The following DDAH1 variants were observed in gnomAD, a reference collection of about 807,000 sequenced individuals.
DDAH1 encodes the protein N(G),N(G)-dimethylarginine dimethylaminohydrolase 1.
A neutral mutation model predicts 28.8 loss-of-function variants in DDAH1; 19 were observed. That is an observed-to-expected ratio of 0.66 (90% CI 0.46 to 0.97). DDAH1 has a LOEUF of 0.97. Among genes scored for constraint, DDAH1 ranks in the 50% least tolerant of loss-of-function variants. The pLI is 0.00. For missense variants in DDAH1, 326 were observed against 375.9 expected, an observed-to-expected ratio of 0.87 and a Z score of 1.10; for synonymous variants, 153 against 154.4, an observed-to-expected ratio of 0.99 and a Z score of 0.07.
chr1:85,495,454 A>G (rs758366540), intron 2 of DDAH1: 1 of 152,190 alleles, frequency 6.6e-6, no homozygotes, highest in Non-Finnish European at 1.5e-5. Context: ...GGCAGATGTA[A>G]TTGTTGAAAA....
chr1:85,342,319 T>A (rs1170104174), intron 4 of DDAH1, among the ~76,000 whole-genome samples: 2 of 152,118 alleles, frequency 1.3e-5, no homozygotes, highest in Non-Finnish European at 2.9e-5. Flanking sequence ...GAAGTTTAAC[T>A]TTTTTCCCCC....
intron 1 of DDAH1, among the ~76,000 whole-genome samples, chr1:85,426,445 G>A (rs779311866): frequency 2.6e-5 from 4 of 152,130 alleles, no homozygotes; most frequent in Non-Finnish European, 5.9e-5. Context: ...TTCAATACAC[G>A]TTAATTGAAT....
At chr1:85,571,785 A>T (rs1295514054) in intron 1 of DDAH1, among the ~76,000 whole-genome samples, 1 of 135,344 alleles carries the variant, frequency 7.4e-6, no homozygotes, top group Non-Finnish European at 1.5e-5. Flanking sequence ...ACTGTTTATA[A>T]GCTTTTTTTT....
intron 1 of DDAH1, among the ~76,000 whole-genome samples, chr1:85,503,559 A>G (rs1311216840): frequency 6.6e-6 from 1 of 151,840 alleles, no homozygotes; most frequent in Non-Finnish European, 1.5e-5. Flanking sequence ...CTATCTATCT[A>G]TCTATCTATC....
intron 1 of DDAH1, among the ~76,000 whole-genome samples, chr1:85,577,588 G>GT (rs1331238909): frequency 1.3e-5 from 2 of 152,146 alleles, no homozygotes; most frequent in Non-Finnish European, 2.9e-5. Flanking sequence ...TGTTAGAAAT[G>GT]TAACTAATCA....
At chr1:85,485,601 T>A (rs529179359) in intron 2 of DDAH1, among the ~76,000 whole-genome samples, 1 of 152,296 alleles carries the variant, frequency 6.6e-6, no homozygotes, top group Admixed American at 6.5e-5. Context: ...GTCAGTAAGA[T>A]CAGATGTGCT....
intron 4 of DDAH1, among the ~76,000 whole-genome samples, chr1:85,345,205 G>A (rs1023745777): frequency 3.3e-5 from 5 of 152,098 alleles, no homozygotes; most frequent in Non-Finnish European, 5.9e-5. Flanking sequence ...TATTCTTTGG[G>A]GGGGTTGGCT....
chr1:85,370,792 T>C (rs1650341733), intron 1 of DDAH1, among the ~76,000 whole-genome samples: 1 of 152,120 alleles, frequency 6.6e-6, no homozygotes, highest in South Asian at 2.1e-4. Context: ...TGATTTCTAA[T>C]ATGAAAAATT....
intron 1 of DDAH1, among the ~76,000 whole-genome samples, chr1:85,390,817 T>C (rs1166382831): frequency 2.6e-5 from 4 of 152,188 alleles, no homozygotes. Flanking sequence ...GCCTGCCTTT[T>C]TCACGTACAG....
At chr1:85,547,182 A>G (rs1658651840) in intron 1 of DDAH1, among the ~76,000 whole-genome samples, 2 of 152,212 alleles carry the variant, frequency 1.3e-5, no homozygotes, top group African/African-American at 4.8e-5. Flanking sequence ...TTAGCAGGTT[A>G]GCAACTTCAC....
intron 1 of DDAH1, among the ~76,000 whole-genome samples, chr1:85,526,093 A>G (rs1657862178): frequency 6.6e-6 from 1 of 152,218 alleles, no homozygotes; most frequent in South Asian, 2.1e-4. Context: ...AAATGGATCC[A>G]GAAAAATTAC....
chr1:85,350,172 C>CT (rs35046437), intron 4 of DDAH1, among the ~76,000 whole-genome samples: 30 of 151,778 alleles, frequency 2.0e-4, no homozygotes, highest in East Asian at 7.7e-4. Context: ...GAATCATGGC[C>CT]TTTTTTTTAG....
intron 1 of DDAH1, among the ~76,000 whole-genome samples, chr1:85,408,724 G>T (rs1652518616): frequency 6.6e-6 from 1 of 152,130 alleles, no homozygotes; most frequent in Non-Finnish European, 1.5e-5. Context: ...AATGAGTGAA[G>T]AAATTTAGCC....
intron 1 of DDAH1, among the ~76,000 whole-genome samples, chr1:85,411,201 C>T (rs1372297954): frequency 2.6e-5 from 4 of 152,058 alleles, no homozygotes; most frequent in Non-Finnish European, 5.9e-5. Flanking sequence ...TGAAACAGAC[C>T]AATAACAGTT....
At chr1:85,348,424 A>C (rs1648998889) in intron 4 of DDAH1, among the ~76,000 whole-genome samples, 1 of 152,126 alleles carries the variant, frequency 6.6e-6, no homozygotes, top group Non-Finnish European at 1.5e-5. Flanking sequence ...TCACGGTGAT[A>C]ATCTTGTCTT....
rs866298766 is a variant in DDAH1, at chr1:85,522,989, A to T, written c.-122-26708T>A. On this transcript the variant is annotated intron_variant, in intron 1 of 6. Coordinates refer to the DDAH1 transcript ENST00000426972. ...AGAGAGGGTCCCTATCCTTGATGAG[A>T]CTGTAATCTAGCAGTAGAGACAATT... 2.2e-3 allele frequency among the ~76,000 whole-genome samples: 335 copies of T among 150,934 alleles called. 1 individual carries two copies. Among genetic ancestry groups the T allele is most frequent in the Middle Eastern group, 0.014 (4 of 292 alleles).
intron 1 of DDAH1, among the ~76,000 whole-genome samples, chr1:85,372,350 G>A (rs1298554494): frequency 1.3e-5 from 2 of 152,080 alleles, no homozygotes; most frequent in Non-Finnish European, 2.9e-5. Context: ...TTTGATAACT[G>A]TCCGTGTTCT....
At chr1:85,340,003 G>T (rs891853606) in intron 4 of DDAH1, among the ~76,000 whole-genome samples, 5 of 152,056 alleles carry the variant, frequency 3.3e-5, no homozygotes, top group African/African-American at 1.2e-4. Context: ...AATCAATTCA[G>T]CCAATAAACA....
intron 1 of DDAH1, among the ~76,000 whole-genome samples, chr1:85,497,288 T>A (rs1368631716): frequency 3.3e-5 from 5 of 152,210 alleles, no homozygotes; most frequent in Non-Finnish European, 5.9e-5. Context: ...AAAATGGCTG[T>A]GAGTTGTACT....
Sources: allele counts gnomAD v4.1 joint callset (sites outside exome capture counted in the v4.1 genomes callset), GRCh38; gene constraint gnomAD v4.1.1; transcripts MANE v1.5; gene names NCBI Gene and HGNC (gene_info 2026-07-23, HGNC 2026-07-21).